TMEM132E: variants seen among roughly 807,000 people sequenced by gnomAD.
TMEM132E encodes transmembrane protein 132E.
In TMEM132E, 49 loss-of-function variants were observed where a neutral mutation model predicts 78.5. The observed-to-expected ratio is 0.62, with a 90% CI of 0.50 to 0.79. The LOEUF is 0.79. TMEM132E is among the 30% of genes least tolerant of loss of function. The pLI is 0.00. For synonymous variants in TMEM132E, 715 were observed against 670.6 expected (o/e 1.07, Z -1.02); for missense variants, 1,403 against 1,470.9 (o/e 0.95, Z 0.75).
Position 34,629,213 on chromosome 17 carries a change from GCAGGTGACCAGC to G in TMEM132E, c.1338+11_1338+22del. The stretch of plus-strand genomic sequence containing the variant: ...TCCTGCCCCTGGCCATGGTGAGCAG[GCAGGTGACCAGC>G]CCAGAAGATGCCTGGGTCTATGCAT... On this transcript the variant is annotated intron_variant, in intron 4 of 8. Coordinates refer to ENST00000631683, the MANE Select transcript of TMEM132E (RefSeq NM_001304438.2). 1 of 1,613,302 alleles carries G rather than the reference GCAGGTGACCAGC, an allele frequency of 6.2e-7. No individual in the cohort carries two copies. The highest frequency in any genetic ancestry group is 8.5e-7 in the Non-Finnish European group (1 of 1,179,764).
At position 34,626,707 on chromosome 17, in the gene TMEM132E, G is replaced by A. The variant is rs1383235004; in HGVS notation, c.648G>A (p.Pro216=). ...CACCCACGGCCCGCCGCAAGTCCCC[G>A]GACGGGCTGGAGCCCGAGGCGACGG... The part of the protein sequence containing the change: ...AAPPTARRKS[P]DGLEPEATGE... The change falls in exon 2 of 9, where the codon CCG becomes CCA. Residue 216 remains proline (P), a synonymous_variant. Transcript: ENST00000631683. The A allele has an allele frequency of 5.8e-6, 8 of 1,381,282 alleles. No individual in the cohort carries two copies. Among genetic ancestry groups the A allele is most frequent in the African/African-American group, 1.5e-5 (1 of 67,538 alleles). 85.6% of individuals were successfully genotyped at this position (1,381,282 alleles called of 1,614,324 possible). A position where few individuals can be genotyped will look rare whatever the true frequency, so the allele number is the denominator to read the frequency against.
chr17:34,617,345 G>A (rs1906817218), intron 1 of TMEM132E, among the ~76,000 whole-genome samples: 2 of 152,212 alleles, frequency 1.3e-5, no homozygotes, highest in African/African-American at 4.8e-5. Flanking sequence ...GGAGGCCTTT[G>A]GGACACTGCT....
At chr17:34,606,881 T>G (rs572705751) in intron 1 of TMEM132E, among the ~76,000 whole-genome samples, 1 of 152,322 alleles carries the variant, frequency 6.6e-6, no homozygotes, top group East Asian at 1.9e-4. Context: ...TCACTCGCTC[T>G]CTCTCTGCTC....
rs746554290 is a variant in TMEM132E at position 34,637,705 on chromosome 17, C to T, written c.2698C>T (p.Leu900Phe). ...GMYALLGVFCLAILVFLINCI... is the reference protein window; with the variant it reads ...GMYALLGVFCFAILVFLINCI... The stretch of plus-strand genomic sequence containing the variant: ...GTACGCGCTGCTGGGCGTCTTCTGC[C>T]TCGCCATCCTCGTCTTCCTCATCAA... The change falls in exon 9 of 9, where the codon CTC (leucine) becomes TTC (phenylalanine). Residue 900 changes from leucine to phenylalanine, a missense_variant. Leu to Phe is a conservative substitution (Grantham distance 22). Coordinates refer to ENST00000631683, the MANE Select transcript of TMEM132E (RefSeq NM_001304438.2). The T allele has an allele frequency of 2.4e-5, 38 of 1,612,808 alleles. No homozygotes were observed. Among genetic ancestry groups the T allele is most frequent in the Admixed American group, 8.3e-5 (5 of 60,028 alleles).
intron 1 of TMEM132E, 54 bp from the exon 2 acceptor site, chr17:34,626,073 C>A: frequency 7.0e-7 from 1 of 1,420,676 alleles, no homozygotes; most frequent in South Asian, 1.5e-5. Flanking sequence ...ACCCTGGGGT[C>A]CCAGCGTGGC....
chr17:34,596,853 CA>C (rs35038070), intron 1 of TMEM132E, among the ~76,000 whole-genome samples: 1,224 of 72,360 alleles, frequency 0.017, 8 homozygotes, highest in South Asian at 0.084. Context: ...CTAAGTAGCT[CA>C]AAAAAAAAAA....
At chr17:34,628,433 A>ATC in intron 2 of TMEM132E, 130 bp from the exon 3 acceptor site, 1 of 1,087,474 alleles carries the variant, frequency 9.2e-7, no homozygotes, top group Non-Finnish European at 1.3e-6. Flanking sequence ...CATCTGAAAC[A>ATC]TCCAGGACTC....
At chr17:34,603,467 GC>G (rs1372934062) in intron 1 of TMEM132E, among the ~76,000 whole-genome samples, 6 of 152,150 alleles carry the variant, frequency 3.9e-5, no homozygotes, top group African/African-American at 1.4e-4. Flanking sequence ...GCTCAACTGA[GC>G]ACTGTTTTCC....
At chr17:34,581,632 G>A (rs1905486822) in intron 1 of TMEM132E, among the ~76,000 whole-genome samples, 1 of 151,514 alleles carries the variant, frequency 6.6e-6, no homozygotes, top group Non-Finnish European at 1.5e-5. Context: ...GGGAAGGGAA[G>A]TGGACTGACT....
intron 1 of TMEM132E, among the ~76,000 whole-genome samples, chr17:34,589,536 G>T (rs79298089): frequency 0.012 from 1,834 of 152,312 alleles, 41 homozygotes; most frequent in African/African-American, 0.041. Context: ...ACATGCACTT[G>T]TTTGGCCTGT....
At chr17:34,627,828 C>T (rs983762227) in intron 2 of TMEM132E, among the ~76,000 whole-genome samples, 1 of 152,066 alleles carries the variant, frequency 6.6e-6, no homozygotes, top group African/African-American at 2.4e-5. Context: ...TAAATGCTGT[C>T]GGAAAGGGTC....
At chr17:34,587,900 C>T (rs982020315) in intron 1 of TMEM132E, among the ~76,000 whole-genome samples, 1 of 152,224 alleles carries the variant, frequency 6.6e-6, no homozygotes, top group African/African-American at 2.4e-5. Flanking sequence ...AGAGTCCTGG[C>T]TGCACTGGCT....
intron 1 of TMEM132E, among the ~76,000 whole-genome samples, chr17:34,603,463 C>T (rs1441474511): frequency 6.6e-6 from 1 of 152,194 alleles, no homozygotes; most frequent in Non-Finnish European, 1.5e-5. Context: ...CCAGGCTCAA[C>T]TGAGCACTGT....
At chr17:34,589,378 G>A (rs1360726665) in intron 1 of TMEM132E, among the ~76,000 whole-genome samples, 1 of 152,190 alleles carries the variant, frequency 6.6e-6, no homozygotes, top group African/African-American at 2.4e-5. Context: ...GAGGGAAATA[G>A]GGAGCTGTCA....
intron 1 of TMEM132E, among the ~76,000 whole-genome samples, chr17:34,607,422 A>G (rs1008539181): frequency 6.6e-6 from 1 of 152,154 alleles, no homozygotes; most frequent in African/African-American, 2.4e-5. Flanking sequence ...TCTCTTCCCA[A>G]AGGAAAATCC....
chr17:34,620,160 G>C (rs965370275), intron 1 of TMEM132E, among the ~76,000 whole-genome samples: 1 of 152,190 alleles, frequency 6.6e-6, no homozygotes, highest in Non-Finnish European at 1.5e-5. Flanking sequence ...TGCCCAATAA[G>C]GTAGGGGCTG....
chr17:34,610,608 G>C (rs577750997), intron 1 of TMEM132E, among the ~76,000 whole-genome samples: 8 of 152,304 alleles, frequency 5.3e-5, no homozygotes, highest in African/African-American at 1.4e-4. Context: ...GCTGAGGGAG[G>C]TCCCCAAACA....
intron 1 of TMEM132E, among the ~76,000 whole-genome samples, chr17:34,624,104 C>G (rs1052438931): frequency 1.3e-5 from 2 of 152,210 alleles, no homozygotes; most frequent in Non-Finnish European, 2.9e-5. Flanking sequence ...ATGCCCCAAG[C>G]CTGTTGCCTT....
intron 1 of TMEM132E, among the ~76,000 whole-genome samples, chr17:34,612,591 A>G (rs1235091083): frequency 6.6e-6 from 1 of 152,210 alleles, no homozygotes. Flanking sequence ...ATATGGTCCA[A>G]GTCTCAGGAA....
Sources: allele counts gnomAD v4.1 joint callset (sites outside exome capture counted in the v4.1 genomes callset), GRCh38; gene constraint gnomAD v4.1.1; transcripts MANE v1.5; gene names NCBI Gene and HGNC (gene_info 2026-07-23, HGNC 2026-07-21).